The following C8orf34 variants were observed in gnomAD, a reference collection of about 807,000 sequenced individuals.
The protein encoded by C8orf34 is uncharacterized protein C8orf34.
A neutral mutation model predicts 68.3 loss-of-function variants in C8orf34; 65 were observed. The observed-to-expected ratio is 0.95, with a 90% confidence interval of 0.78 to 1.17. The LOEUF (loss-of-function observed/expected upper bound fraction) is 1.17, where lower values mean the gene tolerates loss of function less well. Among genes scored for constraint, C8orf34 ranks in the 50% most tolerant of loss-of-function variants. C8orf34 has a pLI of 0.00. For missense variants in C8orf34, 664 were observed against 655.4 expected (o/e 1.01, Z -0.14); for synonymous variants, 244 against 241.2 (o/e 1.01, Z -0.11).
intron 8 of C8orf34, among the ~76,000 whole-genome samples, chr8:68,704,980 T>C (rs1398189364): frequency 2.0e-5 from 3 of 152,128 alleles, no homozygotes; most frequent in Non-Finnish European, 4.4e-5. Flanking sequence ...AACTACACAA[T>C]AATCCAGACA....
At chr8:68,452,463 T>C (rs945612515) in intron 3 of C8orf34, among the ~76,000 whole-genome samples, 1 of 151,560 alleles carries the variant, frequency 6.6e-6, no homozygotes, top group African/African-American at 2.4e-5. Context: ...AGCCATCCAG[T>C]TGGATGTTAA....
chr8:68,385,751 T>G (rs1298082257), intron 1 of C8orf34, among the ~76,000 whole-genome samples: 1 of 152,182 alleles, frequency 6.6e-6, no homozygotes, highest in Non-Finnish European at 1.5e-5. Flanking sequence ...TGCAGCCATT[T>G]GGATCTTATT....
intron 7 of C8orf34, among the ~76,000 whole-genome samples, chr8:68,627,736 C>G (rs550251872): frequency 6.6e-6 from 1 of 152,190 alleles, no homozygotes; most frequent in East Asian, 1.9e-4. Context: ...AACAGAAGAG[C>G]CTTCACAATT....
intron 1 of C8orf34, among the ~76,000 whole-genome samples, chr8:68,390,066 G>A (rs1009358685): frequency 3.9e-5 from 6 of 152,080 alleles, no homozygotes; most frequent in African/African-American, 1.4e-4. Context: ...TTTGTGAATC[G>A]TATTTCAAAT....
chr8:68,756,515 C>A (rs1822864513), intron 10 of C8orf34, among the ~76,000 whole-genome samples: 1 of 151,338 alleles, frequency 6.6e-6, no homozygotes. Flanking sequence ...GGTGGGAGGA[C>A]AATTTTAATT....
At chr8:68,443,102 A>C (rs986413155) in intron 2 of C8orf34, among the ~76,000 whole-genome samples, 3 of 152,278 alleles carry the variant, frequency 2.0e-5, no homozygotes, top group Admixed American at 6.5e-5. Flanking sequence ...GACATGGGGC[A>C]AGAGCATCCA....
intron 7 of C8orf34, among the ~76,000 whole-genome samples, chr8:68,633,478 G>A (rs532134636): frequency 6.6e-6 from 1 of 152,224 alleles, no homozygotes; most frequent in Admixed American, 6.5e-5. Flanking sequence ...CAATTTCAAA[G>A]CATCAAAATA....
intron 8 of C8orf34, among the ~76,000 whole-genome samples, chr8:68,691,149 A>G (rs1311358278): frequency 6.6e-6 from 1 of 152,034 alleles, no homozygotes; most frequent in Non-Finnish European, 1.5e-5. Context: ...GTTCAGGCAT[A>G]CTTTGTTTTA....
chr8:68,694,038 T>C (rs1039323211), intron 8 of C8orf34, among the ~76,000 whole-genome samples: 1 of 152,104 alleles, frequency 6.6e-6, no homozygotes, highest in Non-Finnish European at 1.5e-5. Flanking sequence ...ACTTATTTGC[T>C]ACGTGGATGC....
At chr8:68,634,906 G>T (rs575779049) in intron 7 of C8orf34, among the ~76,000 whole-genome samples, 1 of 152,156 alleles carries the variant, frequency 6.6e-6, no homozygotes, top group African/African-American at 2.4e-5. Flanking sequence ...AAGAACCATA[G>T]CAGTTGTTGA....
chr8:68,473,095 C>A (rs976995334), intron 4 of C8orf34, among the ~76,000 whole-genome samples: 1 of 152,088 alleles, frequency 6.6e-6, no homozygotes, highest in Admixed American at 6.5e-5. Context: ...GGGGTAAATA[C>A]CCGAGGTTCA....
In C8orf34 at chr8:68,602,059, G is replaced by T. The variant is rs143368379; in HGVS notation, c.1106-38317G>T. 7.5e-3 allele frequency among the ~76,000 whole-genome samples: 1,145 copies of T among 152,222 alleles called. 8 individuals are homozygous for T. Among genetic ancestry groups the T allele is most frequent in the Non-Finnish European group, 0.011 (747 of 67,986 alleles). ...GAGAGCCAGCTCACTGCCTCGTGGGGCCTACTGACACCAGGGAGGGGAGAA... is the reference window on the plus strand; with the variant it reads ...GAGAGCCAGCTCACTGCCTCGTGGGTCCTACTGACACCAGGGAGGGGAGAA... On this transcript the variant is annotated intron_variant, in intron 7 of 13. Coordinates refer to ENST00000518698, the MANE Select transcript of C8orf34 (RefSeq NM_052958.4).
chr8:68,487,874 A>G, intron 4 of C8orf34, 149 bp from the exon 5 acceptor site: 1 of 549,390 alleles, frequency 1.8e-6, no homozygotes, highest in Non-Finnish European at 3.3e-6. Context: ...TGGTAAAAGG[A>G]TGTGCCACAT....
At chr8:68,677,010 C>G (rs1820211307) in intron 8 of C8orf34, among the ~76,000 whole-genome samples, 1 of 152,100 alleles carries the variant, frequency 6.6e-6, no homozygotes, top group African/African-American at 2.4e-5. Context: ...CCCACTGGGT[C>G]CCTCCCACAA....
At chr8:68,651,890 C>G (rs1365790414) in intron 8 of C8orf34, among the ~76,000 whole-genome samples, 1 of 152,090 alleles carries the variant, frequency 6.6e-6, no homozygotes, top group Non-Finnish European at 1.5e-5. Flanking sequence ...ACATGTACCC[C>G]TGAATCTAAA....
intron 1 of C8orf34, among the ~76,000 whole-genome samples, chr8:68,429,557 G>A (rs1810367405): frequency 6.6e-6 from 1 of 152,208 alleles, no homozygotes; most frequent in African/African-American, 2.4e-5. Context: ...TTGTGCACAT[G>A]TGCACACAAG....
intron 1 of C8orf34, among the ~76,000 whole-genome samples, chr8:68,437,610 A>T (rs1008267317): frequency 1.3e-5 from 2 of 152,214 alleles, no homozygotes; most frequent in African/African-American, 2.4e-5. Flanking sequence ...CTTTACAATT[A>T]CCTTCACAAC....
intron 9 of C8orf34, among the ~76,000 whole-genome samples, chr8:68,709,879 T>C (rs1024240165): frequency 6.6e-6 from 1 of 152,130 alleles, no homozygotes; most frequent in African/African-American, 2.4e-5. Context: ...CTAAGGTACA[T>C]CACGTCTTCA....
rs543737592 is a variant in C8orf34 at position 68,721,220 on chromosome 8, G to A, written c.1328-141G>A. The A allele has an allele frequency of 7.6e-5, 41 of 540,222 alleles. No individual in the cohort carries two copies. The South Asian group carries it at 1.1e-3, about 14-fold the overall frequency. 33.5% of individuals were successfully genotyped at this position (540,222 alleles called of 1,614,324 possible). On this transcript the variant is annotated intron_variant, in intron 9 of 13. Coordinates refer to ENST00000518698, the MANE Select transcript of C8orf34 (RefSeq NM_052958.4). ...GTTTTTAAGCTAAATATTATTTCAC[G>A]TTCTATTTTAACTCACAAACACTAT...
Sources: gnomAD v4.1 joint callset for allele counts (sites outside exome capture counted in the v4.1 genomes callset) on GRCh38, gnomAD v4.1.1 for gene constraint, MANE v1.5 for transcripts, NCBI Gene and HGNC (gene_info 2026-07-23, HGNC 2026-07-21) for gene names.